CYP4A22: variants seen among roughly 807,000 people sequenced by gnomAD.
CYP4A22 encodes cytochrome P450 family 4 subfamily A member 22.
CYP4A22 carries 46 observed loss-of-function variants against 56.2 expected under a neutral mutation model. The ratio of observed to expected loss-of-function variants is 0.82; its 90% CI spans 0.65 to 1.05. The LOEUF (loss-of-function observed/expected upper bound fraction) is 1.05, where lower values mean the gene tolerates loss of function less well. CYP4A22 is among the 50% of genes least tolerant of loss of function. CYP4A22 has a pLI of 0.00. For synonymous variants in CYP4A22, 193 were observed against 251.1 expected (o/e 0.77, Z 2.19); for missense variants, 541 against 645.9 (o/e 0.84, Z 1.76).
chr1:47,143,469 C>T, intron 5 of CYP4A22, 76 bp downstream of exon 5: 2 of 1,508,432 alleles, frequency 1.3e-6, no homozygotes, highest in Non-Finnish European at 1.8e-6. Flanking sequence ...GCAGGTGGGG[C>T]AGCGTGAAGG....
In CYP4A22 at chr1:47,137,699, G is replaced by A. The variant is rs189516956; in HGVS notation, c.195+19G>A. The A allele has an allele frequency of 1.3e-3, 1,999 of 1,596,742 alleles. 12 individuals carry two copies. The highest frequency in any genetic ancestry group is 1.4e-3 in the Middle Eastern group (8 of 5,694). ...CCAGGAGGTAGGGAGGAACTCAGTG[G>A]GGGAGTGGGAGGGCAAGGAGGGATG... On this transcript the variant is annotated intron_variant, in intron 1 of 11. Transcript: ENST00000371891.
rs552937655 is a variant in CYP4A22, at chr1:47,147,168, T to C, written c.1364+1015T>C. ...TCTTCAAATGGTGAGTCCACTTACA[T>C]GGAACAGGAAAGCTTCCTCCTGAAA... On this transcript the variant is annotated intron_variant, in intron 11 of 11. Coordinates refer to ENST00000371891, the MANE Select transcript of CYP4A22 (RefSeq NM_001010969.4). 6 of 985,430 alleles carry C rather than the reference T, an allele frequency of 6.1e-6. No homozygotes were observed. In the South Asian group the frequency reaches 2.3e-4, roughly 39 times the overall value. The allele number at this position is 985,430 out of a possible 1,614,324, so 61.0% of individuals were successfully genotyped here. A position where few individuals can be genotyped will look rare whatever the true frequency, so the allele number is the denominator to read the frequency against.
In CYP4A22 at chr1:47,137,450, G is replaced by A; in HGVS notation, c.-36G>A. ...AGGTGGACAGGGGTGGTCAGAGAGA[G>A]GAAGGGGCACTCAGAGATCCAGCAG... On this transcript the variant is annotated 5_prime_UTR_variant, in exon 1 of 12. Coordinates refer to ENST00000371891, the MANE Select transcript of CYP4A22 (RefSeq NM_001010969.4). 6.3e-7 allele frequency: 1 copy of A among 1,586,264 alleles called. No individual in the cohort carries two copies. Among genetic ancestry groups the A allele is most frequent in the Non-Finnish European group, 8.6e-7 (1 of 1,165,502 alleles).
At position 47,148,857 on chromosome 1, in the gene CYP4A22, T is replaced by C. The variant is rs1645103189; in HGVS notation, c.*60T>C. 2.6e-6 allele frequency: 4 copies of C among 1,533,280 alleles called. No individual in the cohort carries two copies. Among genetic ancestry groups the C allele is most frequent in the Admixed American group, 2.0e-5 (1 of 50,046 alleles). The allele number at this position is 1,533,280 out of a possible 1,614,324, so 95.0% of individuals were successfully genotyped here. ...CACTCCTATCTCCTGCCTGTCTGCC[T>C]CTGTCCTGCTTTCTGTCTGCCCACC... On this transcript the variant is annotated 3_prime_UTR_variant, in exon 12 of 12. Coordinates refer to ENST00000371891, the MANE Select transcript of CYP4A22 (RefSeq NM_001010969.4).
At position 47,148,825 on chromosome 1, in the gene CYP4A22, T is replaced by G; in HGVS notation, c.*28T>G. 6.4e-7 allele frequency: 1 copy of G among 1,574,608 alleles called. No homozygotes were observed. The stretch of plus-strand genomic sequence containing the variant: ...GCCTCCACCTGCCATCCTGTCTTCC[T>G]GACCCCCACTCCTATCTCCTGCCTG... On this transcript the variant is annotated 3_prime_UTR_variant, in exon 12 of 12. Transcript: ENST00000371891.
At chr1:47,143,012 A>T (rs1645030177) in intron 4 of CYP4A22, among the ~76,000 whole-genome samples, 1 of 152,224 alleles carries the variant, frequency 6.6e-6, no homozygotes, top group Non-Finnish European at 1.5e-5. Context: ...AAAATTCAAT[A>T]CTTAATCCAT....
chr1:47,140,835 G>C lies in CYP4A22; in HGVS notation c.251G>C (p.Ser84Thr). 6.2e-7 allele frequency: 1 copy of C among 1,614,166 alleles called. No individual in the cohort carries two copies. Among genetic ancestry groups the C allele is most frequent in the Non-Finnish European group, 8.5e-7 (1 of 1,180,016 alleles). The part of the protein sequence containing the change: ...RIQERVKTFP[S>T]ACPYWIWGGK... The stretch of plus-strand genomic sequence containing the variant: ...CAGGAACGGGTGAAGACATTCCCAA[G>C]TGCCTGTCCTTATTGGATATGGGGA... Residue 84 changes from serine to threonine, a missense_variant, in exon 2 of 12, where the codon AGT (serine) becomes ACT (threonine). Around this residue, in one of 3 missense-constraint regions of CYP4A22, gnomAD observed 335 missense variants for 361.2 expected, o/e 0.93. Coordinates refer to ENST00000371891, the MANE Select transcript of CYP4A22 (RefSeq NM_001010969.4).
chr1:47,143,667 C>T (rs1645039235), intron 5 of CYP4A22, 95 bp from the exon 6 acceptor site: 7 of 1,485,456 alleles, frequency 4.7e-6, no homozygotes, highest in Middle Eastern at 1.8e-4. Context: ...GGCTGCTTGT[C>T]CCCATTATCC....
At chr1:47,146,013 C>T (rs1645072007) in intron 10 of CYP4A22, 64 bp from the exon 11 acceptor site, 2 of 1,613,934 alleles carry the variant, frequency 1.2e-6, no homozygotes, top group African/African-American at 1.3e-5. Flanking sequence ...GAGTACTGTA[C>T]CCTCATGGGT....
Position 47,142,242 on chromosome 1 carries a change from C to T in CYP4A22, c.510+7C>T. On this transcript the variant is annotated splice_region_variant and intron_variant, in intron 4 of 11. Transcript: ENST00000371891. The stretch of plus-strand genomic sequence containing the variant: ...CTCTGTACGAGTGATGCTGGTGAGT[C>T]CATGTCTCTCTCCTCTCCCCACACC... The T allele has an allele frequency of 6.3e-7, 1 of 1,594,570 alleles. No individual in the cohort carries two copies. The highest frequency in any genetic ancestry group is 8.5e-7 in the Non-Finnish European group (1 of 1,169,648).
intron 11 of CYP4A22, chr1:47,146,367 C>T (rs1422352762): frequency 4.2e-6 from 6 of 1,421,252 alleles, no homozygotes; most frequent in Non-Finnish European, 5.5e-6. Flanking sequence ...GCTCCCTCTG[C>T]TTCTTCAAAT....
Position 47,143,327 on chromosome 1 carries a change from C to T in CYP4A22, c.569C>T (p.Ser190Phe), listed in dbSNP as rs768642561. 3 of 1,613,942 alleles carry T rather than the reference C, an allele frequency of 1.9e-6. No homozygotes were observed. The South Asian group carries it at 3.3e-5, about 18-fold the overall frequency. ...DSPLEVFQHV[S>F]LMTLDTIMKS... ...CCTCTGGAGGTCTTTCAGCACGTCT[C>T]CTTGATGACCCTGGACACCATCATG... The change falls in exon 5 of 12, where the codon TCC becomes TTC. Residue 190 changes from serine to phenylalanine, a missense_variant. This residue lies in a region of CYP4A22 where 335 missense variants were observed against 361.2 expected (regional missense o/e 0.93). Transcript: ENST00000371891.
At chr1:47,142,959 A>G (rs1338045368) in intron 4 of CYP4A22, among the ~76,000 whole-genome samples, 3 of 152,248 alleles carry the variant, frequency 2.0e-5, no homozygotes, top group Non-Finnish European at 4.4e-5. Flanking sequence ...CAGAACAACA[A>G]TAACAACAAA....
rs776356080 is a variant in CYP4A22 at position 47,137,456 on chromosome 1, G to A, written c.-30G>A. The A allele has an allele frequency of 1.3e-6, 2 of 1,591,028 alleles. No individual in the cohort carries two copies. Among genetic ancestry groups the A allele is most frequent in the Non-Finnish European group, 1.7e-6 (2 of 1,167,930 alleles). ...ACAGGGGTGGTCAGAGAGAGGAAGG[G>A]GCACTCAGAGATCCAGCAGGTGCTG... On this transcript the variant is annotated 5_prime_UTR_variant, in exon 1 of 12. Coordinates refer to ENST00000371891, the MANE Select transcript of CYP4A22 (RefSeq NM_001010969.4).
At chr1:47,147,435 A>G in intron 11 of CYP4A22, 2 of 984,808 alleles carry the variant, frequency 2.0e-6, no homozygotes, top group Non-Finnish European at 2.4e-6. Flanking sequence ...CCTATGCAGC[A>G]TGATGAGAAA....
rs201985723 is a variant in CYP4A22, at chr1:47,137,554, C to T, written c.69C>T (p.Ser23=). The T allele has an allele frequency of 6.2e-7, 1 of 1,614,084 alleles. No homozygotes were observed. Among genetic ancestry groups the T allele is most frequent in the Non-Finnish European group, 8.5e-7 (1 of 1,180,036 alleles). Residue 23 remains serine, a synonymous_variant, in exon 1 of 12, where the codon TCC becomes TCT. Transcript: ENST00000371891. ...GGVSGILQVT[S]LLILLLLLIK... ...TCTCCGGGATCCTCCAAGTGACCTCCCTGCTCATTCTGCTTCTGCTGCTGA... is the reference window on the plus strand; with the variant it reads ...TCTCCGGGATCCTCCAAGTGACCTCTCTGCTCATTCTGCTTCTGCTGCTGA...
rs745755863 is a variant in CYP4A22, at chr1:47,148,758, G to A, written c.1521G>A (p.Arg507=). ...AAAATGGAATCCACCTGCGTCTCAGGAGGCTCCCTAACCCTTGTGAAGACA... is the reference window on the plus strand; with the variant it reads ...AAAATGGAATCCACCTGCGTCTCAGAAGGCTCCCTAACCCTTGTGAAGACA... ...KSKNGIHLRL[R]RLPNPCEDKD... Residue 507 remains arginine, a synonymous_variant, in exon 12 of 12, where the codon AGG becomes AGA. Coordinates refer to ENST00000371891, the MANE Select transcript of CYP4A22 (RefSeq NM_001010969.4). 5 of 1,613,396 alleles carry A rather than the reference G, an allele frequency of 3.1e-6. No homozygotes were observed. Among genetic ancestry groups the A allele is most frequent in the Non-Finnish European group, 4.2e-6 (5 of 1,179,600 alleles).
chr1:47,138,308 G>T (rs72894554), intron 1 of CYP4A22, among the ~76,000 whole-genome samples: 2,499 of 152,216 alleles, frequency 0.016, 68 homozygotes, highest in African/African-American at 0.056. Flanking sequence ...GACAATTGTG[G>T]GTACACATGA....
intron 11 of CYP4A22, chr1:47,147,027 T>G: frequency 1.0e-6 from 1 of 985,478 alleles, no homozygotes; most frequent in Non-Finnish European, 1.2e-6. Flanking sequence ...AACTCCAGAA[T>G]GGCTGCGGTG....
Sources: allele counts gnomAD v4.1 joint callset (sites outside exome capture counted in the v4.1 genomes callset), GRCh38; gene constraint gnomAD v4.1.1; regional missense constraint gnomAD v4.1.1; transcripts MANE v1.5; gene names NCBI Gene and HGNC (gene_info 2026-07-23, HGNC 2026-07-21).